PCDHA13: variants seen among roughly 807,000 people sequenced by gnomAD.
The protein encoded by PCDHA13 is protocadherin alpha 13.
Under a neutral mutation model 64.8 loss-of-function variants are expected in PCDHA13, and 54 were observed. That is an observed-to-expected ratio of 0.83 (90% CI 0.67 to 1.04). The LOEUF is 1.04. Among genes scored for constraint, PCDHA13 ranks in the 50% least tolerant of loss-of-function variants. PCDHA13 has a pLI of 0.00. For missense variants in PCDHA13, 1,248 were observed against 1,254.3 expected (o/e 0.99, Z 0.08); for synonymous variants, 587 against 564.4 (o/e 1.04, Z -0.57).
chr5:140,929,613 C>G (rs1485250435), intron 1 of PCDHA13: 2 of 406,044 alleles, frequency 4.9e-6, no homozygotes, highest in Admixed American at 8.8e-5. Flanking sequence ...AATAAAATAC[C>G]AAAATATTTT....
At chr5:140,949,626 G>A (rs2094403314) in intron 1 of PCDHA13, among the ~76,000 whole-genome samples, 1 of 151,546 alleles carries the variant, frequency 6.6e-6, no homozygotes, top group Non-Finnish European at 1.5e-5. Context: ...CTGTTTTCAT[G>A]GCATATTGCT....
At chr5:140,886,599 G>A (rs1370842751) in intron 1 of PCDHA13, among the ~76,000 whole-genome samples, 1 of 151,940 alleles carries the variant, frequency 6.6e-6, no homozygotes, top group African/African-American at 2.4e-5. Flanking sequence ...AGGCCAAGGT[G>A]GGCGGATCAG....
chr5:140,924,613 T>G (rs185833158), intron 1 of PCDHA13, among the ~76,000 whole-genome samples: 1 of 152,170 alleles, frequency 6.6e-6, no homozygotes, highest in African/African-American at 2.4e-5. Context: ...TGATGCCAGG[T>G]GCGGTGGCAT....
intron 1 of PCDHA13, chr5:140,928,268 G>A: frequency 6.2e-7 from 1 of 1,614,164 alleles, no homozygotes; most frequent in Non-Finnish European, 8.5e-7. Context: ...GAAAACAATG[G>A]CCCTGGGGCC....
chr5:140,912,381 A>G (rs1554195316), intron 1 of PCDHA13, among the ~76,000 whole-genome samples: 2 of 150,140 alleles, frequency 1.3e-5, no homozygotes, highest in African/African-American at 4.9e-5. Context: ...AAAGGGATTG[A>G]GTTCTTAATT....
intron 1 of PCDHA13, chr5:140,967,393 G>A (rs1437861925): frequency 1.2e-6 from 2 of 1,609,910 alleles, no homozygotes; most frequent in African/African-American, 2.7e-5. Flanking sequence ...TGCTTGAGCT[G>A]GTGCTGCGTA....
chr5:140,923,396 T>C (rs2081343835), intron 1 of PCDHA13, among the ~76,000 whole-genome samples: 1 of 152,058 alleles, frequency 6.6e-6, no homozygotes, highest in Non-Finnish European at 1.5e-5. Context: ...GGCATGGTGG[T>C]GTGTGCCTAT....
In PCDHA13 at chr5:140,883,946, G is replaced by A; in HGVS notation, c.1678G>A (p.Asp560Asn). 5 of 1,613,392 alleles carry A rather than the reference G, an allele frequency of 3.1e-6. No homozygotes were observed. The highest frequency in any genetic ancestry group is 1.7e-4 in the Middle Eastern group (1 of 6,024). ...TLQVFVLDEN[D>N]NAPALLTPGA... Reference sequence around the variant, plus strand: ...GCAGGTGTTCGTGCTGGACGAGAACGACAACGCTCCGGCGCTGCTGACGCC... The same window carrying A: ...GCAGGTGTTCGTGCTGGACGAGAACAACAACGCTCCGGCGCTGCTGACGCC... Residue 560 changes from aspartate (D) to asparagine (N), a missense_variant, in exon 1 of 4, where the codon GAC becomes AAC. Coordinates refer to ENST00000289272, the MANE Select transcript of PCDHA13 (RefSeq NM_018904.3).
rs139167552 is a variant in PCDHA13, at chr5:140,939,382, C to T, written c.2395-39567C>T. On this transcript the variant is annotated intron_variant, in intron 1 of 3. Coordinates refer to ENST00000289272, the MANE Select transcript of PCDHA13 (RefSeq NM_018904.3). ...CAAAGGAGGAGGGAACACAAACATT[C>T]AGATCATAGCAAGTTTGTGTAAATC... 3.9e-5 allele frequency among the ~76,000 whole-genome samples: 6 copies of T among 152,258 alleles called. No homozygotes were observed. The East Asian group carries it at 1.2e-3, about 29-fold the overall frequency.
At chr5:140,927,627 T>A (rs145171269) in intron 1 of PCDHA13, 5 of 1,614,062 alleles carry the variant, frequency 3.1e-6, no homozygotes, top group Non-Finnish European at 3.4e-6. Flanking sequence ...TTCCAGAGAC[T>A]GCACCCAATG....
intron 1 of PCDHA13, chr5:140,967,013 G>A: frequency 1.9e-6 from 3 of 1,606,874 alleles, no homozygotes; most frequent in Non-Finnish European, 2.5e-6. Flanking sequence ...CAACCATCTG[G>A]GTGCGCCCAG....
intron 1 of PCDHA13, chr5:140,927,896 A>T: frequency 1.2e-6 from 2 of 1,614,200 alleles, no homozygotes; most frequent in Non-Finnish European, 1.7e-6. Flanking sequence ...GACGTGAACG[A>T]TCATGCCCCC....
intron 1 of PCDHA13, chr5:140,927,763 G>C (rs1554205034): frequency 6.2e-7 from 1 of 1,614,198 alleles, no homozygotes; most frequent in African/African-American, 1.3e-5. Context: ...CCCTAAAAGT[G>C]GGGAGGTGCA....
chr5:140,999,687 A>G (rs1554256930), intron 3 of PCDHA13, among the ~76,000 whole-genome samples: 2 of 152,044 alleles, frequency 1.3e-5, no homozygotes, highest in Non-Finnish European at 2.9e-5. Flanking sequence ...AGAAAGAAGA[A>G]ATGTGATTTT....
intron 1 of PCDHA13, among the ~76,000 whole-genome samples, chr5:140,938,727 GA>G (rs2092176789): frequency 6.6e-6 from 1 of 151,904 alleles, no homozygotes; most frequent in Admixed American, 6.6e-5. Flanking sequence ...CGTTTCTACA[GA>G]AAAAAATAAT....
At chr5:140,962,786 A>G (rs1377248587) in intron 1 of PCDHA13, among the ~76,000 whole-genome samples, 6 of 152,216 alleles carry the variant, frequency 3.9e-5, no homozygotes, top group African/African-American at 1.4e-4. Context: ...ATTTTTAAAA[A>G]CTACTTTGGA....
intron 1 of PCDHA13, among the ~76,000 whole-genome samples, chr5:140,906,351 C>A (rs966982758): frequency 3.9e-5 from 6 of 152,128 alleles, no homozygotes; most frequent in Non-Finnish European, 5.9e-5. Context: ...CAAGAATGCA[C>A]CAATTCCCAA....
intron 1 of PCDHA13, among the ~76,000 whole-genome samples, chr5:140,922,192 T>A (rs1279791359): frequency 6.6e-6 from 1 of 152,158 alleles, no homozygotes; most frequent in East Asian, 1.9e-4. Context: ...AAAAGTCTTA[T>A]CTTTAATGAA....
At chr5:140,917,815 G>T (rs554230002) in intron 1 of PCDHA13, among the ~76,000 whole-genome samples, 1 of 152,018 alleles carries the variant, frequency 6.6e-6, no homozygotes, top group South Asian at 2.1e-4. Context: ...TATAGTTGAA[G>T]TTGGGTAGTG....
Sources: gnomAD v4.1 joint callset for allele counts (sites outside exome capture counted in the v4.1 genomes callset) on GRCh38, gnomAD v4.1.1 for gene constraint, MANE v1.5 for transcripts, NCBI Gene and HGNC (gene_info 2026-07-23, HGNC 2026-07-21) for gene names.